The following ZNG1E variants were observed in gnomAD, a reference collection of about 807,000 sequenced individuals.
ZNG1E encodes the protein zinc-regulated GTPase metalloprotein activator 1E.
chr9:65,686,659 A>T, the ZNG1E span, among the ~76,000 whole-genome samples: 298 of 152,202 alleles, frequency 2.0e-3, no homozygotes, highest in South Asian at 0.02. Flanking sequence ...AATAAATAAA[A>T]AATAAGTCTG....
At chr9:65,687,938 T>A in the ZNG1E span, among the ~76,000 whole-genome samples, 2 of 151,168 alleles carry the variant, frequency 1.3e-5, no homozygotes, top group African/African-American at 4.9e-5. Context: ...AAGAACATTT[T>A]CCTTGTTTAT....
At chr9:65,691,687 G>A in the ZNG1E span, among the ~76,000 whole-genome samples, 3 of 152,188 alleles carry the variant, frequency 2.0e-5, no homozygotes, top group Non-Finnish European at 1.5e-5. Context: ...GCAATATGAG[G>A]ATCATATTTT....
chr9:65,716,391 C>T, the ZNG1E span, among the ~76,000 whole-genome samples: 20 of 151,682 alleles, frequency 1.3e-4, no homozygotes, highest in Non-Finnish European at 8.8e-5. Flanking sequence ...CTCCTGGGCT[C>T]AAGTGATCCT....
the ZNG1E span, among the ~76,000 whole-genome samples, chr9:65,724,806 C>T: frequency 2.0e-5 from 2 of 100,144 alleles, no homozygotes; most frequent in African/African-American, 4.3e-5. Context: ...ATTTGACAAC[C>T]TTTTGCTGTA....
the ZNG1E span, among the ~76,000 whole-genome samples, chr9:65,686,620 G>A: frequency 6.6e-6 from 1 of 152,204 alleles, no homozygotes; most frequent in Admixed American, 6.6e-5. Flanking sequence ...GGGTGACAGA[G>A]CGAGACTCCA....
At chr9:65,678,453 A>C in the ZNG1E span, among the ~76,000 whole-genome samples, 2 of 141,028 alleles carry the variant, frequency 1.4e-5, no homozygotes, top group African/African-American at 5.5e-5. Flanking sequence ...AGAAAACTTT[A>C]TTTCAGAAGA....
At chr9:65,655,085 G>A in the ZNG1E span, among the ~76,000 whole-genome samples, 13 of 151,310 alleles carry the variant, frequency 8.6e-5, no homozygotes, top group Non-Finnish European at 1.6e-4. Flanking sequence ...GATATATAAG[G>A]TGGATAAAAA....
the ZNG1E span, among the ~76,000 whole-genome samples, chr9:65,724,331 T>C: frequency 6.6e-6 from 1 of 150,544 alleles, no homozygotes. Flanking sequence ...TTTAACCTGA[T>C]AAAAGCAAAA....
At chr9:65,716,419 A>G in the ZNG1E span, among the ~76,000 whole-genome samples, 4 of 151,798 alleles carry the variant, frequency 2.6e-5, no homozygotes, top group Middle Eastern at 3.4e-3. Context: ...CAGCCTCCCA[A>G]AGTGCTGGGA....
At chr9:65,663,101 T>C in the ZNG1E span, among the ~76,000 whole-genome samples, 1 of 152,252 alleles carries the variant, frequency 6.6e-6, no homozygotes, top group Admixed American at 6.5e-5. Context: ...TGCTGTTAAA[T>C]GTTTATCAGA....
the ZNG1E span, among the ~76,000 whole-genome samples, chr9:65,724,786 T>C: frequency 9.6e-6 from 1 of 104,104 alleles, no homozygotes; most frequent in African/African-American, 4.0e-5. Context: ...TTAACTGACA[T>C]TTATGTTTCA....
chr9:65,685,043 TAAAAAAAAAA>T, the ZNG1E span, among the ~76,000 whole-genome samples: 1 of 107,700 alleles, frequency 9.3e-6, no homozygotes, highest in Non-Finnish European at 1.8e-5. Flanking sequence ...CCCCATTTCT[TAAAAAAAAAA>T]AAAAAAAAAA....
the ZNG1E span, chr9:65,675,689 G>A: frequency 1.5e-3 from 889 of 604,862 alleles, 7 homozygotes; most frequent in East Asian, 0.025. Flanking sequence ...TCAGACAGGT[G>A]GTTAGTGCGC....
At chr9:65,657,676 C>T in the ZNG1E span, among the ~76,000 whole-genome samples, 2 of 152,232 alleles carry the variant, frequency 1.3e-5, no homozygotes, top group Admixed American at 6.5e-5. Context: ...CTACAGTCAA[C>T]AATAATTTAC....
the ZNG1E span, among the ~76,000 whole-genome samples, chr9:65,727,482 CAACT>C: frequency 2.3e-5 from 3 of 128,342 alleles, no homozygotes; most frequent in Admixed American, 8.1e-5. Context: ...ATTCACCAAC[CAACT>C]ATCTGTCGCC....
chr9:65,664,235 T>C, the ZNG1E span, among the ~76,000 whole-genome samples: 8 of 151,986 alleles, frequency 5.3e-5, no homozygotes, highest in African/African-American at 1.9e-4. Context: ...ACATAAAACT[T>C]AATCTAAACG....
At chr9:65,684,546 G>GCGCACACACACA in the ZNG1E span, among the ~76,000 whole-genome samples, 3 of 139,486 alleles carry the variant, frequency 2.2e-5, no homozygotes, top group African/African-American at 8.4e-5. Context: ...ACACACACAC[G>GCGCACACACACA]CACGCACACA....
At chr9:65,661,272 A>T in the ZNG1E span, among the ~76,000 whole-genome samples, 1 of 140,182 alleles carries the variant, frequency 7.1e-6, no homozygotes, top group Non-Finnish European at 1.5e-5. Flanking sequence ...AGGCCTTCAA[A>T]ACTAACAAAC....
the ZNG1E span, among the ~76,000 whole-genome samples, chr9:65,681,280 A>G: frequency 4.6e-5 from 7 of 152,332 alleles, no homozygotes; most frequent in East Asian, 1.2e-3. Flanking sequence ...TGGACAAGAA[A>G]AAAATGCCTT....
Sources: gnomAD v4.1 joint callset for allele counts (sites outside exome capture counted in the v4.1 genomes callset) on GRCh38, gnomAD v4.1.1 for gene constraint, MANE v1.5 for transcripts, NCBI Gene and HGNC (gene_info 2026-07-23, HGNC 2026-07-21) for gene names.